CHN1: variants seen among roughly 807,000 people sequenced by gnomAD.
CHN1 encodes N-chimaerin.
CHN1 carries 37 observed loss-of-function variants against 59.5 expected under a neutral mutation model. The observed-to-expected ratio is 0.62, with a 90% CI of 0.48 to 0.82. The LOEUF is 0.82. CHN1 is among the 40% of genes least tolerant of loss of function. The pLI is 0.00. For synonymous variants in CHN1, 206 were observed against 200.4 expected (o/e 1.03, Z -0.24); for missense variants, 469 against 571.0 (o/e 0.82, Z 1.82).
intron 6 of CHN1, among the ~76,000 whole-genome samples, chr2:174,849,964 G>A: frequency 6.6e-6 from 1 of 152,150 alleles, no homozygotes; most frequent in Non-Finnish European, 1.5e-5. Context: ...TCAATTTTGA[G>A]GAGTAGGAAT....
chr2:174,801,117 G>T (rs1349609435), intron 12 of CHN1, among the ~76,000 whole-genome samples: 1 of 152,182 alleles, frequency 6.6e-6, no homozygotes, highest in Non-Finnish European at 1.5e-5. Flanking sequence ...GATCGAGGGT[G>T]ACCAAGTAGG....
intron 4 of CHN1, among the ~76,000 whole-genome samples, chr2:174,917,434 T>TA (rs903648956): frequency 4.0e-4 from 58 of 145,652 alleles, no homozygotes; most frequent in African/African-American, 6.3e-4. Flanking sequence ...AACTCCATCT[T>TA]AAAAAAAAAA....
chr2:174,957,446 T>TGC (rs796233818), intron 1 of CHN1, among the ~76,000 whole-genome samples: 1 of 89,930 alleles, frequency 1.1e-5, no homozygotes, highest in Non-Finnish European at 2.1e-5. Flanking sequence ...GTGTGTGTGT[T>TGC]GGGGGGGGGG....
chr2:174,936,018 G>T (rs1484107299), intron 3 of CHN1, among the ~76,000 whole-genome samples: 1 of 152,198 alleles, frequency 6.6e-6, no homozygotes, highest in Non-Finnish European at 1.5e-5. Context: ...ATTGTAGTTA[G>T]AATTTGAAAA....
chr2:174,878,248 A>C (rs1687635178), intron 5 of CHN1, 120 bp from the exon 6 acceptor site: 1 of 888,260 alleles, frequency 1.1e-6, no homozygotes, highest in African/African-American at 1.7e-5. Context: ...TCTTTGTTTA[A>C]ATAAGCTGTG....
intron 5 of CHN1, among the ~76,000 whole-genome samples, chr2:174,903,520 G>A (rs988462411): frequency 6.6e-6 from 1 of 152,000 alleles, no homozygotes; most frequent in African/African-American, 2.4e-5. Context: ...GTTATCTCTA[G>A]GGAGTGGAAC....
rs2105368011 is a variant in CHN1, at chr2:174,799,473, TA to T, written c.*642del. 2.1e-6 allele frequency: 1 copy of T among 481,210 alleles called. No homozygotes were observed. The highest frequency in any genetic ancestry group is 4.4e-5 in the East Asian group (1 of 22,500). 29.8% of individuals were successfully genotyped at this position (481,210 alleles called of 1,614,324 possible). On this transcript the variant is annotated 3_prime_UTR_variant, in exon 13 of 13. Transcript: ENST00000409900. ...ATACCAAATTACAACTGAAAACCAA[TA>T]ATAATTTAACAGAAAATGCTGTGTT...
At position 174,817,638 on chromosome 2, in the gene CHN1, CTTTTTTTTTTTT is replaced by C. The variant is rs958427207; in HGVS notation, c.713-5168_713-5157del. On this transcript the variant is annotated intron_variant, in intron 8 of 12. Transcript: ENST00000409900. ...CGCTACGCCCAGCTGATTTTTTTTT[CTTTTTTTTTTTT>C]TTTTTGAGACGGAGTCTCGCTCTGT... 4.8e-4 allele frequency among the ~76,000 whole-genome samples: 62 copies of C among 129,440 alleles called. 2 individuals are homozygous for C. In the East Asian group the frequency reaches 0.013, roughly 27 times the overall value. 84.9% of individuals were successfully genotyped at this position (129,440 alleles called of 152,430 possible).
At chr2:174,878,603 T>C (rs1275842200) in intron 5 of CHN1, among the ~76,000 whole-genome samples, 1 of 152,230 alleles carries the variant, frequency 6.6e-6, no homozygotes, top group East Asian at 1.9e-4. Flanking sequence ...CTAACCAGAA[T>C]ATGATGCCAG....
At chr2:174,937,631 T>A (rs189236244) in intron 3 of CHN1, among the ~76,000 whole-genome samples, 2 of 152,072 alleles carry the variant, frequency 1.3e-5, no homozygotes, top group African/African-American at 4.8e-5. Context: ...TGAAATATGA[T>A]CCCCAATGTT....
rs186648993 is a variant in CHN1 at position 174,984,173 on chromosome 2, T to A, written c.19+20721A>T. On this transcript the variant is annotated intron_variant, in intron 1 of 12. Coordinates refer to ENST00000409900, the MANE Select transcript of CHN1 (RefSeq NM_001822.7). ...TTATCCATGGGGAAAATAAACACTT[T>A]TAAAATAAGATCTTTCAAAGATGTC... Among the ~76,000 whole-genome samples the A allele has an allele frequency of 1.6e-4, 25 of 152,174 alleles. No individual in the cohort carries two copies. The East Asian group carries it at 4.6e-3, about 28-fold the overall frequency.
chr2:174,807,371 C>T (rs765772307), intron 11 of CHN1, among the ~76,000 whole-genome samples: 3 of 151,702 alleles, frequency 2.0e-5, no homozygotes, highest in Non-Finnish European at 4.4e-5. Context: ...AGAGTGGAAG[C>T]TTACCCACTT....
chr2:174,942,830 C>G (rs1689705051), intron 3 of CHN1, among the ~76,000 whole-genome samples: 2 of 151,926 alleles, frequency 1.3e-5, no homozygotes, highest in Admixed American at 1.3e-4. Context: ...TGGGTGGATC[C>G]CTTGAGCTTA....
At chr2:174,808,771 G>T (rs1367131279) in intron 11 of CHN1, 134 bp downstream of exon 11, 12 of 900,196 alleles carry the variant, frequency 1.3e-5, no homozygotes, top group Non-Finnish European at 1.9e-5. Flanking sequence ...CAAAATTCTT[G>T]TAAGTACATT....
intron 6 of CHN1, among the ~76,000 whole-genome samples, chr2:174,866,459 C>T (rs1002582165): frequency 1.3e-5 from 2 of 152,112 alleles, no homozygotes; most frequent in Non-Finnish European, 2.9e-5. Context: ...AAAAACCCAT[C>T]CCCTTGCAGT....
At chr2:174,875,747 T>C (rs1025853554) in intron 6 of CHN1, 7 of 870,114 alleles carry the variant, frequency 8.0e-6, no homozygotes, top group African/African-American at 3.6e-5. Flanking sequence ...CTAGTGTCAA[T>C]AGATACCTTA....
At chr2:174,870,480 G>T (rs891967144) in intron 6 of CHN1, among the ~76,000 whole-genome samples, 1 of 152,120 alleles carries the variant, frequency 6.6e-6, no homozygotes, top group Non-Finnish European at 1.5e-5. Flanking sequence ...AAGGAGAAAT[G>T]ATTCCAAATA....
intron 8 of CHN1, among the ~76,000 whole-genome samples, chr2:174,816,864 T>C (rs1231511877): frequency 6.6e-6 from 1 of 152,182 alleles, no homozygotes; most frequent in East Asian, 1.9e-4. Context: ...AGTGTTGATA[T>C]ACCTCATACT....
At chr2:174,901,833 C>G (rs1237497044) in intron 5 of CHN1, among the ~76,000 whole-genome samples, 3 of 151,870 alleles carry the variant, frequency 2.0e-5, no homozygotes, top group Admixed American at 2.0e-4. Context: ...ACTGATAGAC[C>G]TACATTTAAA....
Sources: gnomAD v4.1 joint callset for allele counts (sites outside exome capture counted in the v4.1 genomes callset) on GRCh38, gnomAD v4.1.1 for gene constraint, MANE v1.5 for transcripts, NCBI Gene and HGNC (gene_info 2026-07-23, HGNC 2026-07-21) for gene names.